The following ZFHX3 variants were observed in gnomAD, a reference collection of about 807,000 sequenced individuals.
ZFHX3 encodes zinc finger homeobox protein 3.
Under a neutral mutation model 279.1 loss-of-function variants are expected in ZFHX3, and 42 were observed. That is an observed-to-expected ratio of 0.15 (90% CI 0.12 to 0.19). The LOEUF (loss-of-function observed/expected upper bound fraction) is 0.19. Ranked by LOEUF, ZFHX3 falls within the 10% of genes least tolerant of loss-of-function variation. The pLI, the probability that ZFHX3 is intolerant of heterozygous loss-of-function variation, is 1.00. For synonymous variants in ZFHX3, 2,293 were observed against 1,957.8 expected (o/e 1.17, Z -4.52); for missense variants, 4,981 against 4,754.0 (o/e 1.05, Z -1.40).
Position 73,564,994 on chromosome 16 carries a change from TGTAATCCTACCATTTTGGGAGGCCAA to T in ZFHX3, c.-1546-108762_-1546-108737del, listed in dbSNP as rs1414583140. Among the ~76,000 whole-genome samples the T allele has an allele frequency of 7.9e-4, 121 of 152,352 alleles. 1 individual carries two copies. The highest frequency in any genetic ancestry group is 2.7e-3 in the African/African-American group (112 of 41,586). Reference sequence around the variant, plus strand: ...GAGGCCAGGCACGGTGGCTCATGCCTGTAATCCTACCATTTTGGGAGGCCAAGGCGGGCAGATCACCTGAGGTCAAG... The same window carrying T: ...GAGGCCAGGCACGGTGGCTCATGCCTGGCGGGCAGATCACCTGAGGTCAAG... On this transcript the variant is annotated intron_variant, in intron 2 of 17. Coordinates refer to the ZFHX3 transcript ENST00000641206.
intron 1 of ZFHX3, among the ~76,000 whole-genome samples, chr16:73,787,384 C>T (rs1483185333): frequency 6.6e-6 from 1 of 152,158 alleles, no homozygotes; most frequent in Non-Finnish European, 1.5e-5. Context: ...ACGGATCAAC[C>T]TCAGCAAGCG....
At chr16:73,222,962 T>C (rs566512056) in intron 5 of ZFHX3, among the ~76,000 whole-genome samples, 1 of 152,210 alleles carries the variant, frequency 6.6e-6, no homozygotes, top group South Asian at 2.1e-4. Flanking sequence ...GGACATGTGA[T>C]AGAGGAAAGA....
At chr16:73,502,147 G>C (rs1009881482) in intron 2 of ZFHX3, among the ~76,000 whole-genome samples, 1 of 152,078 alleles carries the variant, frequency 6.6e-6, no homozygotes, top group African/African-American at 2.4e-5. Context: ...AACATGTTAG[G>C]CCATCTTGAA....
chr16:73,762,942 A>G (rs1379752567), intron 1 of ZFHX3, among the ~76,000 whole-genome samples: 1 of 152,196 alleles, frequency 6.6e-6, no homozygotes, highest in Non-Finnish European at 1.5e-5. Flanking sequence ...TTACCTAAGT[A>G]ACAAACCTGC....
intron 5 of ZFHX3, among the ~76,000 whole-genome samples, chr16:73,188,151 G>T (rs1250501206): frequency 6.6e-6 from 1 of 151,686 alleles, no homozygotes; most frequent in Admixed American, 6.6e-5. Context: ...ATGAGCCACT[G>T]TGCCCGGCCA....
chr16:72,969,202 T>A (rs1232940538), intron 1 of ZFHX3, among the ~76,000 whole-genome samples: 2 of 152,102 alleles, frequency 1.3e-5, no homozygotes, highest in Non-Finnish European at 2.9e-5. Context: ...TGAAATTTGC[T>A]CCCAGCAGAG....
At position 73,016,816 on chromosome 16, in the gene ZFHX3, C is replaced by T. The variant is rs575040305; in HGVS notation, c.-50+30936G>A. On this transcript the variant is annotated intron_variant, in intron 1 of 9. Coordinates refer to ENST00000268489, the MANE Select transcript of ZFHX3 (RefSeq NM_006885.4). ...CACCCTGGTGACAGCAGAGTGGCTC[C>T]GAGCAGAATCTCCCCATTACAGCTG... Among the ~76,000 whole-genome samples, 8 of 152,134 alleles carry T rather than the reference C, an allele frequency of 5.3e-5. No homozygotes were observed. In the South Asian group the frequency reaches 8.3e-4, roughly 16 times the overall value.
chr16:72,834,879 G>T (rs866013448), intron 4 of ZFHX3, among the ~76,000 whole-genome samples: 1 of 151,906 alleles, frequency 6.6e-6, no homozygotes, highest in Non-Finnish European at 1.5e-5. Context: ...GGTATTCTAC[G>T]AATCACTTAT....
At chr16:73,181,641 A>T (rs1358129882) in intron 5 of ZFHX3, among the ~76,000 whole-genome samples, 1 of 152,170 alleles carries the variant, frequency 6.6e-6, no homozygotes, top group East Asian at 1.9e-4. Flanking sequence ...CTGTGAATAT[A>T]CAATCATCAC....
intron 1 of ZFHX3, among the ~76,000 whole-genome samples, chr16:73,032,157 C>T (rs1016286030): frequency 2.0e-5 from 3 of 152,042 alleles, no homozygotes; most frequent in Non-Finnish European, 2.9e-5. Flanking sequence ...ATTAGCCAGA[C>T]GTGGTGATGC....
chr16:72,823,189 T>G (rs2036842713), intron 5 of ZFHX3, among the ~76,000 whole-genome samples: 1 of 152,064 alleles, frequency 6.6e-6, no homozygotes. Flanking sequence ...CCAAAAATGG[T>G]TTCCATTGGC....
chr16:73,015,480 G>A (rs1018836374), intron 1 of ZFHX3: 6 of 152,224 alleles, frequency 3.9e-5, no homozygotes, highest in Non-Finnish European at 8.8e-5. Flanking sequence ...AAAAACAGTA[G>A]TTGGACAAAG....
chr16:73,335,648 G>A (rs777437068), intron 3 of ZFHX3, among the ~76,000 whole-genome samples: 5 of 152,024 alleles, frequency 3.3e-5, no homozygotes, highest in East Asian at 3.9e-4. Flanking sequence ...TAATAATAAC[G>A]TCCCTGAATG....
intron 4 of ZFHX3, among the ~76,000 whole-genome samples, chr16:73,317,136 G>C (rs1021261871): frequency 1.3e-5 from 2 of 151,998 alleles, no homozygotes; most frequent in Non-Finnish European, 1.5e-5. Flanking sequence ...TTCTTAAGAG[G>C]GGGGTGGGTG....
At chr16:73,132,461 G>C (rs1966704359) in intron 6 of ZFHX3, among the ~76,000 whole-genome samples, 1 of 152,164 alleles carries the variant, frequency 6.6e-6, no homozygotes, top group Non-Finnish European at 1.5e-5. Flanking sequence ...TATTATGATA[G>C]CAGGTTTCAG....
intron 2 of ZFHX3, among the ~76,000 whole-genome samples, chr16:73,646,410 A>G (rs886242624): frequency 2.0e-4 from 31 of 152,294 alleles, no homozygotes; most frequent in Non-Finnish European, 8.8e-5. Context: ...ATAGAAAATA[A>G]GAAAGAATGA....
chr16:73,711,401 A>T (rs984123164), intron 1 of ZFHX3, among the ~76,000 whole-genome samples: 3 of 152,254 alleles, frequency 2.0e-5, no homozygotes, highest in African/African-American at 4.8e-5. Context: ...ATAAAACTTA[A>T]CAAGAAACGA....
At chr16:73,230,642 C>T (rs566996401) in intron 5 of ZFHX3, among the ~76,000 whole-genome samples, 2 of 152,296 alleles carry the variant, frequency 1.3e-5, no homozygotes, top group South Asian at 2.1e-4. Context: ...GTACCTTCAT[C>T]AGTAGACCTA....
At chr16:73,521,463 T>C (rs1318227242) in intron 2 of ZFHX3, among the ~76,000 whole-genome samples, 1 of 152,136 alleles carries the variant, frequency 6.6e-6, no homozygotes, top group Admixed American at 6.5e-5. Context: ...ATCTCTCACT[T>C]GTATAAACAG....
Sources: gnomAD v4.1 joint callset for allele counts (sites outside exome capture counted in the v4.1 genomes callset) on GRCh38, gnomAD v4.1.1 for gene constraint, MANE v1.5 for transcripts, NCBI Gene and HGNC (gene_info 2026-07-23, HGNC 2026-07-21) for gene names.